Variants in MYO9A observed in about 807,000 individuals in gnomAD.
The protein encoded by MYO9A is myosin IXA.
MYO9A carries 103 observed loss-of-function variants against 293.3 expected under a neutral mutation model. The observed-to-expected ratio is 0.35, with a 90% CI of 0.30 to 0.41. MYO9A has a LOEUF of 0.41. MYO9A is among the 10% of genes least tolerant of loss of function. The probability of loss-of-function intolerance (pLI) is 1.00; values close to 1 mark genes in which losing one functional copy is unlikely to be tolerated. For synonymous variants in MYO9A, 1,001 were observed against 1,035.7 expected (o/e 0.97, Z 0.64); for missense variants, 2,685 against 3,033.0 (o/e 0.89, Z 2.69).
rs1280980300 is a variant in MYO9A, at chr15:71,825,215, C to A, written c.*1365G>T. On this transcript the variant is annotated 3_prime_UTR_variant, in exon 42 of 42. Coordinates refer to ENST00000356056, the MANE Select transcript of MYO9A (RefSeq NM_006901.4). ...TTATAACTCATGTGTATGAAGACCA[C>A]CCAGTGGTGAAAATGATGTCTTACT... The A allele has an allele frequency of 6.6e-6, 1 of 152,134 alleles. No homozygotes were observed. Among genetic ancestry groups the A allele is most frequent in the Admixed American group, 6.5e-5 (1 of 15,276 alleles). The allele number at this position is 152,134 out of a possible 1,614,324, so 9.4% of individuals were successfully genotyped here. A position where few individuals can be genotyped will look rare whatever the true frequency, so the allele number is the denominator to read the frequency against.
Position 72,115,216 on chromosome 15 carries a change from G to T in MYO9A, c.-72+2464C>A, listed in dbSNP as rs2080927893. Among the ~76,000 whole-genome samples, 2 of 152,080 alleles carry T rather than the reference G, an allele frequency of 1.3e-5. 1 individual carries two copies. The highest frequency in any genetic ancestry group is 4.1e-4 in the South Asian group (2 of 4,828). On this transcript the variant is annotated intron_variant, in intron 1 of 41. Transcript: ENST00000356056. ...ACTCTACCTGTAATTTAAATGTTGGGTTTCCATCCTAAAACCTTTTCTCCT... is the reference window on the plus strand; with the variant it reads ...ACTCTACCTGTAATTTAAATGTTGGTTTTCCATCCTAAAACCTTTTCTCCT...
chr15:71,944,861 T>C (rs2058871597), intron 15 of MYO9A, among the ~76,000 whole-genome samples: 1 of 152,304 alleles, frequency 6.6e-6, no homozygotes, highest in Admixed American at 6.5e-5. Context: ...TGTTAATTTC[T>C]ACCAAAAAAT....
chr15:71,879,554 T>C (rs1164416910), intron 30 of MYO9A, among the ~76,000 whole-genome samples, 167 bp downstream of exon 30: 1 of 152,182 alleles, frequency 6.6e-6, no homozygotes, highest in African/African-American at 2.4e-5. Context: ...AGTTTCCTTG[T>C]CTATCCCTAA....
At chr15:71,856,478 A>T (rs1475928913) in intron 34 of MYO9A, among the ~76,000 whole-genome samples, 1 of 152,096 alleles carries the variant, frequency 6.6e-6, no homozygotes, top group African/African-American at 2.4e-5. Context: ...GTTCAACCTT[A>T]GTGTTGGAAA....
At chr15:71,981,639 T>TTCTC (rs1485033171) in intron 11 of MYO9A, among the ~76,000 whole-genome samples, 26 of 134,326 alleles carry the variant, frequency 1.9e-4, no homozygotes, top group African/African-American at 6.9e-4. Context: ...TCTCTCTGTC[T>TTCTC]TGTCTCTCTC....
At chr15:71,877,996 T>C in intron 31 of MYO9A, 44 bp downstream of exon 31, 1 of 1,482,286 alleles carries the variant, frequency 6.7e-7, no homozygotes, top group Non-Finnish European at 9.1e-7. Flanking sequence ...TTAAAAAGAA[T>C]TCATAATTAA....
At chr15:71,859,008 T>C (rs2055996762) in intron 34 of MYO9A, among the ~76,000 whole-genome samples, 1 of 152,236 alleles carries the variant, frequency 6.6e-6, no homozygotes, top group African/African-American at 2.4e-5. Flanking sequence ...TTTTTAGTAT[T>C]TGTCTGACAT....
chr15:71,966,498 T>C (rs1049830217), intron 13 of MYO9A, among the ~76,000 whole-genome samples: 1 of 152,176 alleles, frequency 6.6e-6, no homozygotes, highest in Non-Finnish European at 1.5e-5. Flanking sequence ...TTTTAAACTA[T>C]AGTCTTAATT....
chr15:71,877,970 G>C (rs2056744693), intron 31 of MYO9A, 70 bp downstream of exon 31: 2 of 1,332,620 alleles, frequency 1.5e-6, no homozygotes, highest in East Asian at 2.6e-5. Context: ...TCAAATACAA[G>C]ATGTCCCAAA....
Position 72,010,448 on chromosome 15 carries a change from C to T in MYO9A, c.1156-1G>A. 6.2e-7 allele frequency: 1 copy of T among 1,609,446 alleles called. No individual in the cohort carries two copies. The highest frequency in any genetic ancestry group is 8.5e-7 in the Non-Finnish European group (1 of 1,177,292). ...CTTCTCCTTCCACCGTGAAGCAATC[C>T]TGCTTATTTAAAATAAAAGTTTAAA... On this transcript the variant is annotated splice_acceptor_variant, in intron 6 of 41. Transcript: ENST00000356056. LOFTEE classifies it high-confidence loss of function.
chr15:72,101,270 C>T (rs2080302595), intron 1 of MYO9A, among the ~76,000 whole-genome samples: 1 of 137,296 alleles, frequency 7.3e-6, no homozygotes, highest in African/African-American at 2.7e-5. Flanking sequence ...GCCCGGCCAG[C>T]CGCCCCGTCA....
intron 1 of MYO9A, among the ~76,000 whole-genome samples, chr15:72,082,087 T>C (rs2079563361): frequency 6.6e-6 from 1 of 152,216 alleles, no homozygotes; most frequent in African/African-American, 2.4e-5. Flanking sequence ...GGTAGTTTGA[T>C]AGGAATAGCA....
intron 38 of MYO9A, 79 bp downstream of exon 38, chr15:71,849,957 T>TATTTTATGAACCCATTCACG: frequency 2.0e-6 from 3 of 1,535,348 alleles, no homozygotes; most frequent in Non-Finnish European, 2.7e-6. Flanking sequence ...ACCCATTCAC[T>TATTTTATGAACCCATTCACG]ATGTTTGATA....
chr15:71,926,294 T>C (rs2058312179), intron 18 of MYO9A, among the ~76,000 whole-genome samples: 1 of 152,168 alleles, frequency 6.6e-6, no homozygotes, highest in South Asian at 2.1e-4. Context: ...CCATGCACCG[T>C]GGTATATGCC....
intron 10 of MYO9A, 48 bp downstream of exon 10, chr15:71,994,421 T>C (rs762439257): frequency 8.2e-7 from 1 of 1,225,326 alleles, no homozygotes; most frequent in Non-Finnish European, 1.1e-6. Context: ...ACCAGTTTAT[T>C]AAAATAGCTT....
rs563146381 is a variant in MYO9A at position 71,917,068 on chromosome 15, T to G, written c.2563-576A>C. Among the ~76,000 whole-genome samples the G allele has an allele frequency of 2.6e-5, 4 of 152,370 alleles. No individual in the cohort carries two copies. In the East Asian group the frequency reaches 7.7e-4, roughly 29 times the overall value. ...GATTTCCTAGCTTTCTAATTACATTTAGGGACATTTCTGCAAATGTTATTT... is the reference window on the plus strand; with the variant it reads ...GATTTCCTAGCTTTCTAATTACATTGAGGGACATTTCTGCAAATGTTATTT... On this transcript the variant is annotated intron_variant, in intron 18 of 41. Coordinates refer to ENST00000356056, the MANE Select transcript of MYO9A (RefSeq NM_006901.4).
chr15:72,060,799 T>C (rs937208064), intron 1 of MYO9A, among the ~76,000 whole-genome samples: 2 of 152,168 alleles, frequency 1.3e-5, no homozygotes, highest in African/African-American at 4.8e-5. Context: ...GTCTTGGTGT[T>C]GTGTGCACTT....
intron 33 of MYO9A, among the ~76,000 whole-genome samples, chr15:71,860,290 C>T (rs1420078350): frequency 5.3e-5 from 8 of 152,138 alleles, no homozygotes; most frequent in African/African-American, 1.9e-4. Context: ...TAAGAAAGGT[C>T]TTATTTATGA....
chr15:72,085,472 G>C (rs1022229895), intron 1 of MYO9A, among the ~76,000 whole-genome samples: 1 of 151,720 alleles, frequency 6.6e-6, no homozygotes, highest in African/African-American at 2.4e-5. Flanking sequence ...AGCTCATTCG[G>C]GTTGGTTACA....
Sources: allele counts gnomAD v4.1 joint callset (sites outside exome capture counted in the v4.1 genomes callset), GRCh38; gene constraint gnomAD v4.1.1; transcripts MANE v1.5; gene names NCBI Gene and HGNC (gene_info 2026-07-23, HGNC 2026-07-21).